The following TRIM37 variants were observed in gnomAD, a reference collection of about 807,000 sequenced individuals.
TRIM37 encodes the protein E3 ubiquitin-protein ligase TRIM37.
A neutral mutation model predicts 129.8 loss-of-function variants in TRIM37; 80 were observed. The observed-to-expected ratio is 0.62, with a 90% CI of 0.51 to 0.74. The LOEUF is 0.74. Ranked by LOEUF, TRIM37 falls within the 30% of genes least tolerant of loss-of-function variation. The pLI is 0.00. For synonymous variants in TRIM37, 389 were observed against 387.1 expected, an observed-to-expected ratio of 1.00 and a Z score of -0.06; for missense variants, 1,054 against 1,176.5, an observed-to-expected ratio of 0.90 and a Z score of 1.52.
intron 13 of TRIM37, among the ~76,000 whole-genome samples, chr17:59,056,437 A>C (rs542838173): frequency 9.2e-5 from 14 of 152,250 alleles, no homozygotes; most frequent in African/African-American, 2.9e-4. Context: ...ACAGTTAAGA[A>C]AGTGATAAGG....
intron 12 of TRIM37, chr17:59,059,148 G>C (rs1277711733): frequency 6.6e-6 from 1 of 152,124 alleles, no homozygotes; most frequent in Non-Finnish European, 1.5e-5. Context: ...GAGGTGGGCG[G>C]ATCACCTGAG....
At chr17:59,023,422 G>A (rs2036846764) in intron 19 of TRIM37, among the ~76,000 whole-genome samples, 1 of 152,074 alleles carries the variant, frequency 6.6e-6, no homozygotes, top group South Asian at 2.1e-4. Flanking sequence ...GGGAGGCCAA[G>A]ACAGGCAGAT....
At chr17:59,063,851 T>C (rs1029036163) in intron 10 of TRIM37, among the ~76,000 whole-genome samples, 7 of 152,182 alleles carry the variant, frequency 4.6e-5, no homozygotes, top group Non-Finnish European at 1.0e-4. Context: ...TCTCTCTTAT[T>C]TAAAATGGTT....
intron 2 of TRIM37, among the ~76,000 whole-genome samples, chr17:59,098,306 TG>T (rs2045106557): frequency 6.6e-6 from 1 of 152,144 alleles, no homozygotes; most frequent in Non-Finnish European, 1.5e-5. Flanking sequence ...TGGATAGTGG[TG>T]ATGGCTGCAC....
intron 22 of TRIM37, among the ~76,000 whole-genome samples, chr17:59,003,911 C>T (rs1286816099): frequency 6.9e-6 from 1 of 145,528 alleles, no homozygotes; most frequent in Non-Finnish European, 1.5e-5. Flanking sequence ...CTTAGCAAAG[C>T]CCCATCTCTA....
At chr17:59,054,838 G>C (rs1266718017) in intron 13 of TRIM37, among the ~76,000 whole-genome samples, 3 of 151,222 alleles carry the variant, frequency 2.0e-5, no homozygotes, top group Non-Finnish European at 1.5e-5. Flanking sequence ...GCTAATTTTT[G>C]TATTTTTAGT....
intron 17 of TRIM37, among the ~76,000 whole-genome samples, chr17:59,039,974 T>C (rs73319204): frequency 0.018 from 2,791 of 152,146 alleles, 85 homozygotes; most frequent in African/African-American, 0.064. Context: ...CTCAGCTTAC[T>C]GCAGGCTCCG....
At chr17:59,037,428 G>T (rs943596132) in intron 17 of TRIM37, among the ~76,000 whole-genome samples, 1 of 151,036 alleles carries the variant, frequency 6.6e-6, no homozygotes, top group East Asian at 2.0e-4. Context: ...CGTGGTGGCG[G>T]GCGCCTGTAG....
intron 22 of TRIM37, among the ~76,000 whole-genome samples, chr17:59,008,752 G>T (rs2034870868): frequency 6.6e-6 from 1 of 152,082 alleles, no homozygotes; most frequent in Non-Finnish European, 1.5e-5. Context: ...TAAAAATAAA[G>T]AAGTCCAAAT....
intron 9 of TRIM37, among the ~76,000 whole-genome samples, chr17:59,066,166 G>C (rs995159884): frequency 6.6e-6 from 1 of 152,122 alleles, no homozygotes; most frequent in African/African-American, 2.4e-5. Context: ...CAATTAGCAG[G>C]ACCAATGCAA....
intron 2 of TRIM37, among the ~76,000 whole-genome samples, chr17:59,102,732 C>T (rs2045622747): frequency 6.6e-6 from 1 of 152,164 alleles, no homozygotes; most frequent in Non-Finnish European, 1.5e-5. Context: ...AAAGAACAGG[C>T]TATAGAGTTC....
chr17:59,083,220 G>A (rs1481406285), intron 5 of TRIM37, among the ~76,000 whole-genome samples: 1 of 152,142 alleles, frequency 6.6e-6, no homozygotes, highest in Non-Finnish European at 1.5e-5. Context: ...TGGATCACCT[G>A]AGGTCAGCAG....
At chr17:59,011,067 G>A (rs1481654615) in intron 22 of TRIM37, among the ~76,000 whole-genome samples, 1 of 151,886 alleles carries the variant, frequency 6.6e-6, no homozygotes, top group East Asian at 1.9e-4. Flanking sequence ...CTATGCAGAG[G>A]CTGAGGCAGG....
chr17:59,073,076 T>C (rs1599360686), intron 8 of TRIM37: 1 of 152,208 alleles, frequency 6.6e-6, no homozygotes, highest in African/African-American at 2.4e-5. Flanking sequence ...ATTTAACTTA[T>C]ATTAATTGAA....
intron 8 of TRIM37, among the ~76,000 whole-genome samples, chr17:59,074,009 AAC>A (rs1161163724): frequency 6.6e-6 from 1 of 152,264 alleles, no homozygotes; most frequent in African/African-American, 2.4e-5. Flanking sequence ...ATAAACCAGT[AAC>A]ACAGTTGTTT....
At chr17:58,967,955 C>T in the TRIM37 span, among the ~76,000 whole-genome samples, 1 of 152,064 alleles carries the variant, frequency 6.6e-6, no homozygotes, top group African/African-American at 2.4e-5. Context: ...AGGCGCGTGC[C>T]ACCACACCCA....
intron 19 of TRIM37, among the ~76,000 whole-genome samples, chr17:59,020,230 C>CAAAAAAAAAAAAAAAAA (rs58159558): frequency 3.1e-5 from 1 of 32,044 alleles, no homozygotes; most frequent in Admixed American, 6.0e-4. Flanking sequence ...GACTCTGTCT[C>CAAAAAAAAAAAAAAAAA]AAAAAAAAAA....
At chr17:59,090,901 C>T (rs977403434) in intron 3 of TRIM37, among the ~76,000 whole-genome samples, 2 of 152,154 alleles carry the variant, frequency 1.3e-5, no homozygotes, top group Admixed American at 1.3e-4. Flanking sequence ...GCTGGGATTA[C>T]AGGTATGAGC....
At chr17:59,056,763 G>GTTATAT (rs2040960244) in intron 13 of TRIM37, 112 bp downstream of exon 13, 1 of 478,828 alleles carries the variant, frequency 2.1e-6, no homozygotes, top group Non-Finnish European at 4.0e-6. Flanking sequence ...TAAGGTTATA[G>GTTATAT]TTAGTATGAA....
Sources: gnomAD v4.1 joint callset for allele counts (sites outside exome capture counted in the v4.1 genomes callset) on GRCh38, gnomAD v4.1.1 for gene constraint, MANE v1.5 for transcripts, NCBI Gene and HGNC (gene_info 2026-07-23, HGNC 2026-07-21) for gene names.